MROH2B: variants seen among roughly 807,000 people sequenced by gnomAD.
MROH2B encodes maestro heat like repeat family member 2B.
In MROH2B, 177 loss-of-function variants were observed where a neutral mutation model predicts 208.6. The ratio of observed to expected loss-of-function variants is 0.85; its 90% confidence interval spans 0.75 to 0.96. MROH2B has a LOEUF of 0.96. MROH2B is among the 40% of genes least tolerant of loss of function. The probability of loss-of-function intolerance (pLI) is 0.00; values close to 1 mark genes in which losing one functional copy is unlikely to be tolerated. For synonymous variants in MROH2B, 728 were observed against 659.0 expected, an observed-to-expected ratio of 1.10 and a Z score of -1.60; for missense variants, 2,002 against 1,878.7, an observed-to-expected ratio of 1.07 and a Z score of -1.21.
intron 11 of MROH2B, among the ~76,000 whole-genome samples, chr5:41,053,260 C>T (rs921264722): frequency 2.1e-4 from 32 of 152,068 alleles, no homozygotes; most frequent in African/African-American, 6.5e-4. Context: ...CCAAACTGAA[C>T]GGTTTTAAAG....
At position 41,051,260 on chromosome 5, in the gene MROH2B, G is replaced by A. The variant is rs113564508; in HGVS notation, c.1231-170C>T. ...TCAACATCTAATCCCTGTTTGAAAGGGCCCCTTGGAGGAATTAGTTGGAAA... is the reference window on the plus strand; with the variant it reads ...TCAACATCTAATCCCTGTTTGAAAGAGCCCCTTGGAGGAATTAGTTGGAAA... On this transcript the variant is annotated intron_variant, in intron 12 of 41. Transcript: ENST00000399564. Among the ~76,000 whole-genome samples the A allele has an allele frequency of 2.9e-3, 448 of 152,182 alleles. 3 individuals are homozygous for A. Among genetic ancestry groups the A allele is most frequent in the African/African-American group, 0.01 (428 of 41,516 alleles).
At position 41,018,799 on chromosome 5, in the gene MROH2B, ATG is replaced by A. The variant is rs758606715; in HGVS notation, c.2578-15_2578-14del. The A allele has an allele frequency of 8.9e-5, 143 of 1,613,660 alleles. No homozygotes were observed. In the African/African-American group the frequency reaches 1.7e-3, roughly 19 times the overall value. On this transcript the variant is annotated splice_polypyrimidine_tract_variant and intron_variant, in intron 25 of 41. Transcript: ENST00000399564. ...GTTCATAGAGAAACTGAAATCAAAT[ATG>A]TGTGTGTGAGTCTCAGGCTGGGGTG...
intron 30 of MROH2B, 140 bp downstream of exon 30, chr5:41,012,443 G>A (rs1233502346): frequency 4.0e-6 from 3 of 747,356 alleles, no homozygotes; most frequent in East Asian, 2.9e-5. Flanking sequence ...AACACACAAC[G>A]TAGGTCTCTA....
intron 9 of MROH2B, 31 bp from the exon 10 acceptor site, chr5:41,055,886 C>G: frequency 2.0e-6 from 3 of 1,488,338 alleles, no homozygotes; most frequent in Non-Finnish European, 2.8e-6. Context: ...AGAGCTGTAA[C>G]TCATTTTCAT....
chr5:41,063,191 T>C (rs912342954), intron 5 of MROH2B, among the ~76,000 whole-genome samples: 1 of 152,226 alleles, frequency 6.6e-6, no homozygotes, highest in Non-Finnish European at 1.5e-5. Context: ...GTTGTTAATA[T>C]TAAAGGTAGA....
intron 6 of MROH2B, among the ~76,000 whole-genome samples, chr5:41,059,945 T>C (rs931755172): frequency 6.6e-6 from 1 of 152,204 alleles, no homozygotes; most frequent in Non-Finnish European, 1.5e-5. Context: ...ACTCCAAACC[T>C]GAATATCCTC....
At chr5:41,058,753 TAAAG>T (rs1743543365) in intron 6 of MROH2B, among the ~76,000 whole-genome samples, 1 of 152,120 alleles carries the variant, frequency 6.6e-6, no homozygotes, top group South Asian at 2.1e-4. Flanking sequence ...TACCTCATCT[TAAAG>T]AACCTTCAAG....
At chr5:41,000,033 G>A in intron 39 of MROH2B, 187 bp downstream of exon 39, 1 of 771,572 alleles carries the variant, frequency 1.3e-6, no homozygotes, top group South Asian at 1.9e-5. Context: ...ACTTGGGAAT[G>A]GAGCAGAGGG....
Position 41,071,202 on chromosome 5 carries a change from T to C in MROH2B, c.-350A>G, listed in dbSNP as rs1487862141. On this transcript the variant is annotated 5_prime_UTR_variant, in exon 1 of 42. Transcript: ENST00000399564. ...TCAAACCATTGTTGCAGACCAAAGG[T>C]GCTCCTCTCCCTAAACTTGAGTCCA... 7.9e-6 allele frequency: 2 copies of C among 252,276 alleles called. No homozygotes were observed. Among genetic ancestry groups the C allele is most frequent in the Non-Finnish European group, 1.5e-5 (2 of 130,926 alleles). The allele number at this position is 252,276 out of a possible 1,614,324, so 15.6% of individuals were successfully genotyped here.
chr5:41,015,312 G>GT (rs1741902794), intron 29 of MROH2B, 69 bp downstream of exon 29: 2 of 1,342,840 alleles, frequency 1.5e-6, no homozygotes. Flanking sequence ...GCAGTGGGGA[G>GT]TATGTAGCTT....
chr5:40,998,526 G>T, intron 41 of MROH2B, 86 bp downstream of exon 41: 2 of 1,109,336 alleles, frequency 1.8e-6, no homozygotes, highest in Non-Finnish European at 2.6e-6. Flanking sequence ...TCAAGTTCTG[G>T]GCTGACGTGG....
At chr5:41,065,219 G>T in intron 4 of MROH2B, 112 bp downstream of exon 4, 4 of 1,052,016 alleles carry the variant, frequency 3.8e-6, no homozygotes, top group Non-Finnish European at 5.3e-6. Flanking sequence ...AATATTTCTT[G>T]GTACAGAAGA....
rs1464898306 is a variant in MROH2B, at chr5:41,005,101, C to A, written c.3865-181G>T. 8 of 751,636 alleles carry A rather than the reference C, an allele frequency of 1.1e-5. No individual in the cohort carries two copies. The East Asian group carries it at 2.2e-4, about 21-fold the overall frequency. The allele number at this position is 751,636 out of a possible 1,614,324, so 46.6% of individuals were successfully genotyped here. On this transcript the variant is annotated intron_variant, in intron 35 of 41. Coordinates refer to ENST00000399564, the MANE Select transcript of MROH2B (RefSeq NM_173489.5). ...CTGAGCTCTAGATATGAGCAGCGCA[C>A]AGGTCAAGCTTGCATGGTGATGTAA...
Position 41,048,481 on chromosome 5 carries a change from G to A in MROH2B, c.1543-16C>T. The A allele has an allele frequency of 6.3e-7, 1 of 1,585,632 alleles. No individual in the cohort carries two copies. Among genetic ancestry groups the A allele is most frequent in the Non-Finnish European group, 8.5e-7 (1 of 1,170,018 alleles). On this transcript the variant is annotated splice_polypyrimidine_tract_variant and intron_variant, in intron 15 of 41. Transcript: ENST00000399564. The stretch of plus-strand genomic sequence containing the variant: ...TAGATATTACCTGAAGGATAGAAGA[G>A]AAGGAGCTCATCAATTTCAGGGGCG...
At chr5:41,049,211 C>T in intron 14 of MROH2B, 69 bp downstream of exon 14, 1 of 1,608,068 alleles carries the variant, frequency 6.2e-7, no homozygotes. Context: ...AAGGTCAAAG[C>T]ACTGTAGCCT....
chr5:41,062,118 G>A (rs1007091674), intron 5 of MROH2B, among the ~76,000 whole-genome samples: 1 of 148,802 alleles, frequency 6.7e-6, no homozygotes, highest in African/African-American at 2.6e-5. Context: ...GCCATTAGAC[G>A]TGTGTAGATA....
At chr5:40,999,869 A>G in intron 39 of MROH2B, 90 bp from the exon 40 acceptor site, 1 of 1,140,140 alleles carries the variant, frequency 8.8e-7, no homozygotes, top group Non-Finnish European at 1.3e-6. Context: ...CGGATTTGTA[A>G]AGGCCAGTGA....
rs764219566 is a variant in MROH2B, at chr5:41,065,498, G to A, written c.202-8C>T. The A allele has an allele frequency of 1.9e-6, 3 of 1,610,214 alleles. No individual in the cohort carries two copies. Among genetic ancestry groups the A allele is most frequent in the East Asian group, 2.2e-5 (1 of 44,804 alleles). ...TCTGATTTCTCTGAGCATCTGAGGAGGAAAAGAAAAATAACAATAACAACT... is the reference window on the plus strand; with the variant it reads ...TCTGATTTCTCTGAGCATCTGAGGAAGAAAAGAAAAATAACAATAACAACT... On this transcript the variant is annotated splice_polypyrimidine_tract_variant and splice_region_variant and intron_variant, in intron 3 of 41. Coordinates refer to ENST00000399564, the MANE Select transcript of MROH2B (RefSeq NM_173489.5).
At chr5:41,012,339 T>G (rs542022317) in intron 30 of MROH2B, among the ~76,000 whole-genome samples, 8 of 152,332 alleles carry the variant, frequency 5.3e-5, no homozygotes, top group African/African-American at 1.9e-4. Context: ...TCAGAGCTGC[T>G]TCCTCTAGCC....
Sources: allele counts gnomAD v4.1 joint callset (sites outside exome capture counted in the v4.1 genomes callset), GRCh38; gene constraint gnomAD v4.1.1; transcripts MANE v1.5; gene names NCBI Gene and HGNC (gene_info 2026-07-23, HGNC 2026-07-21).